CNTNAP2: variants seen among roughly 807,000 people sequenced by gnomAD.
CNTNAP2 encodes the protein contactin-associated protein-like 2.
In CNTNAP2, 98 loss-of-function variants were observed where a neutral mutation model predicts 155.2. The observed-to-expected ratio is 0.63, with a 90% CI of 0.54 to 0.75. The LOEUF is 0.75. Among genes scored for constraint, CNTNAP2 ranks in the 30% least tolerant of loss-of-function variants. CNTNAP2 has a pLI of 0.00. For synonymous variants in CNTNAP2, 651 were observed against 631.2 expected (o/e 1.03, Z -0.47); for missense variants, 1,727 against 1,688.1 (o/e 1.02, Z -0.40).
intron 1 of CNTNAP2, among the ~76,000 whole-genome samples, chr7:146,756,097 AAAT>A (rs1234187620): frequency 6.6e-6 from 1 of 151,970 alleles, no homozygotes; most frequent in African/African-American, 2.4e-5. Context: ...AAATAGGAAA[AAAT>A]AATATTTTGA....
intron 9 of CNTNAP2, among the ~76,000 whole-genome samples, chr7:147,318,356 C>A (rs1023961610): frequency 6.6e-6 from 1 of 152,136 alleles, no homozygotes; most frequent in Non-Finnish European, 1.5e-5. Context: ...GCAGGAGGGT[C>A]TCTTGAGCCT....
intron 13 of CNTNAP2, among the ~76,000 whole-genome samples, chr7:147,656,543 T>A (rs999225633): frequency 4.6e-5 from 7 of 152,170 alleles, no homozygotes; most frequent in African/African-American, 1.7e-4. Context: ...AGATGAGGGA[T>A]CAGCTGGTCA....
At chr7:147,417,933 C>T (rs1192214557) in intron 10 of CNTNAP2, among the ~76,000 whole-genome samples, 1 of 152,164 alleles carries the variant, frequency 6.6e-6, no homozygotes, top group Non-Finnish European at 1.5e-5. Flanking sequence ...AAAACATTTG[C>T]TATCAAACTG....
intron 1 of CNTNAP2, among the ~76,000 whole-genome samples, chr7:146,145,011 A>G (rs1393561142): frequency 6.6e-6 from 1 of 152,130 alleles, no homozygotes. Context: ...CAGTTGATGG[A>G]TTTGATGAAT....
chr7:146,886,818 A>G lies in CNTNAP2; in HGVS notation c.402+46914A>G, dbSNP rs549808653. Among the ~76,000 whole-genome samples, 6 of 150,810 alleles carry G rather than the reference A, an allele frequency of 4.0e-5. No homozygotes were observed. In the South Asian group the frequency reaches 1.3e-3, roughly 32 times the overall value. On this transcript the variant is annotated intron_variant, in intron 3 of 23. Transcript: ENST00000361727. Reference sequence around the variant, plus strand: ...GAGTGAATTCTCTTTATGCGTGAACACGAAATGGATTTTTCTGTATTTGCT... The same window carrying G: ...GAGTGAATTCTCTTTATGCGTGAACGCGAAATGGATTTTTCTGTATTTGCT...
intron 13 of CNTNAP2, among the ~76,000 whole-genome samples, chr7:147,874,436 G>T (rs1023341709): frequency 2.0e-4 from 31 of 152,208 alleles, no homozygotes; most frequent in African/African-American, 7.0e-4. Flanking sequence ...AAAGCTTGGG[G>T]TTTGTGCCCT....
intron 21 of CNTNAP2, among the ~76,000 whole-genome samples, chr7:148,283,622 ATCATTTTTGTAG>A (rs375374502): frequency 3.3e-5 from 5 of 151,982 alleles, no homozygotes; most frequent in African/African-American, 1.2e-4. Flanking sequence ...ATAAACAAGT[ATCATTTTTGTAG>A]TCTATTCAGT....
At chr7:148,152,455 C>G (rs1805313881) in intron 17 of CNTNAP2, among the ~76,000 whole-genome samples, 1 of 151,618 alleles carries the variant, frequency 6.6e-6, no homozygotes. Flanking sequence ...ATGCAAAAAT[C>G]TGAAAAAAAA....
chr7:147,314,697 T>C (rs1177723820), intron 9 of CNTNAP2, among the ~76,000 whole-genome samples: 1 of 151,300 alleles, frequency 6.6e-6, no homozygotes, highest in African/African-American at 2.4e-5. Context: ...ATCTATGGGC[T>C]ATTGAACAAA....
intron 1 of CNTNAP2, among the ~76,000 whole-genome samples, chr7:146,599,082 T>C (rs1487718731): frequency 2.0e-5 from 3 of 152,098 alleles, no homozygotes; most frequent in African/African-American, 7.2e-5. Flanking sequence ...AAATAACTAA[T>C]CAAAATATAT....
At chr7:147,866,199 G>A (rs1406830329) in intron 13 of CNTNAP2, among the ~76,000 whole-genome samples, 1 of 152,300 alleles carries the variant, frequency 6.6e-6, no homozygotes, top group South Asian at 2.1e-4. Context: ...TCATTCAGGA[G>A]CAGGTTGTTC....
intron 3 of CNTNAP2, among the ~76,000 whole-genome samples, chr7:146,866,411 A>G (rs1262635109): frequency 6.6e-6 from 1 of 152,110 alleles, no homozygotes; most frequent in Non-Finnish European, 1.5e-5. Flanking sequence ...GAAAGGGTAA[A>G]CAGTCTTTAG....
At chr7:147,142,788 T>A (rs1051694552) in intron 8 of CNTNAP2, among the ~76,000 whole-genome samples, 3 of 152,128 alleles carry the variant, frequency 2.0e-5, no homozygotes, top group African/African-American at 7.2e-5. Flanking sequence ...TTTCTTAGCA[T>A]GCCACACAAG....
intron 16 of CNTNAP2, among the ~76,000 whole-genome samples, chr7:148,124,706 T>C (rs1725625168): frequency 6.6e-6 from 1 of 152,200 alleles, no homozygotes; most frequent in South Asian, 2.1e-4. Context: ...ACAGCAAGTT[T>C]TATACACATT....
intron 8 of CNTNAP2, among the ~76,000 whole-genome samples, chr7:147,133,298 A>C (rs368420945): frequency 6.6e-6 from 1 of 152,130 alleles, no homozygotes; most frequent in Non-Finnish European, 1.5e-5. Flanking sequence ...TAGTCTTTGC[A>C]ATAGTCATAC....
At chr7:147,610,339 A>T (rs1469931131) in intron 12 of CNTNAP2, among the ~76,000 whole-genome samples, 1 of 151,314 alleles carries the variant, frequency 6.6e-6, no homozygotes, top group Admixed American at 6.6e-5. Flanking sequence ...GTCTCTTGTG[A>T]TCCAAGTTTT....
chr7:147,079,293 A>G (rs1007900575), intron 4 of CNTNAP2, among the ~76,000 whole-genome samples: 3 of 152,128 alleles, frequency 2.0e-5, no homozygotes, highest in African/African-American at 7.2e-5. Flanking sequence ...GAGCTCAGCC[A>G]GGAACCCAGA....
chr7:147,242,344 G>A (rs1418923702), intron 8 of CNTNAP2, among the ~76,000 whole-genome samples: 2 of 152,138 alleles, frequency 1.3e-5, no homozygotes, highest in African/African-American at 4.8e-5. Flanking sequence ...ACTACATTAA[G>A]GACAAATATC....
intron 9 of CNTNAP2, among the ~76,000 whole-genome samples, chr7:147,347,381 A>G (rs1795882877): frequency 7.2e-6 from 1 of 138,796 alleles, no homozygotes; most frequent in African/African-American, 2.6e-5. Flanking sequence ...TGGGCACCAG[A>G]GACTACCTTA....
Sources: allele counts gnomAD v4.1 joint callset (sites outside exome capture counted in the v4.1 genomes callset), GRCh38; gene constraint gnomAD v4.1.1; transcripts MANE v1.5; gene names NCBI Gene and HGNC (gene_info 2026-07-23, HGNC 2026-07-21).